The following BLTP2 variants were observed in gnomAD, a reference collection of about 807,000 sequenced individuals.
BLTP2 encodes bridge-like lipid transfer protein family member 2.
chr17:28,619,987 C>T, the BLTP2 span: 1 of 1,613,800 alleles, frequency 6.2e-7, no homozygotes, highest in Non-Finnish European at 8.5e-7. Context: ...AAGCTGGAAC[C>T]TGACCCGTTG....
At chr17:28,616,744 C>A in the BLTP2 span, 1 of 1,614,046 alleles carries the variant, frequency 6.2e-7, no homozygotes, top group East Asian at 2.2e-5. This position sits in a 1 kb window ranked among gnomAD's most constrained non-coding sequence, Gnocchi z 4.8. Context: ...GTGAGAGGCA[C>A]CACATTTACC....
At chr17:28,624,272 T>C in the BLTP2 span, 2 of 1,614,256 alleles carry the variant, frequency 1.2e-6, no homozygotes, top group Non-Finnish European at 8.5e-7. Flanking sequence ...TTCGGTTGTA[T>C]ATGTCATCCG....
At chr17:28,614,461 CT>C in the BLTP2 span, 60 of 420,372 alleles carry the variant, frequency 1.4e-4, no homozygotes, top group Non-Finnish European at 1.7e-4. Context: ...TTTAAAATAT[CT>C]TTTTTTTTCT....
the BLTP2 span, chr17:28,639,467 TAAG>T: frequency 1.2e-6 from 2 of 1,612,016 alleles, no homozygotes; most frequent in Non-Finnish European, 1.7e-6. Flanking sequence ...TCACCTGAAA[TAAG>T]AAGACCAGAA....
At chr17:28,634,814 A>G in the BLTP2 span, 12 of 1,613,486 alleles carry the variant, frequency 7.4e-6, no homozygotes, top group Non-Finnish European at 1.0e-5. Context: ...GCAGGCAACA[A>G]CTCCCCATGC....
the BLTP2 span, among the ~76,000 whole-genome samples, chr17:28,624,975 G>A: frequency 3.9e-5 from 6 of 152,266 alleles, no homozygotes; most frequent in South Asian, 1.2e-3. Flanking sequence ...GTGACCTTGG[G>A]CAGTCTGCCC....
the BLTP2 span, chr17:28,635,081 G>C: frequency 3.1e-6 from 5 of 1,613,262 alleles, no homozygotes; most frequent in African/African-American, 5.3e-5. Context: ...TCTAGAGTTC[G>C]AGAAAAGTCA....
chr17:28,640,657 T>C, the BLTP2 span: 1 of 1,614,018 alleles, frequency 6.2e-7, no homozygotes, highest in Non-Finnish European at 8.5e-7. Flanking sequence ...CCAGGCAGAG[T>C]TGGCTCAACT....
At chr17:28,642,718 G>GTTAGA in the BLTP2 span, 6 of 632,876 alleles carry the variant, frequency 9.5e-6, no homozygotes, top group Non-Finnish European at 1.7e-5. Flanking sequence ...TCAAGCTCTG[G>GTTAGA]TGGCTAGAAG....
chr17:28,644,598 G>A, the BLTP2 span, among the ~76,000 whole-genome samples: 1 of 152,198 alleles, frequency 6.6e-6, no homozygotes, highest in Non-Finnish European at 1.5e-5. Flanking sequence ...TTTGAGGTCA[G>A]ACCCGGCAGC....
chr17:28,619,872 A>G, the BLTP2 span: 12 of 1,613,840 alleles, frequency 7.4e-6, no homozygotes, highest in Non-Finnish European at 1.0e-5. Context: ...TCATGATAGA[A>G]TACATCTGCT....
chr17:28,635,717 G>A, the BLTP2 span: 3 of 1,186,024 alleles, frequency 2.5e-6, no homozygotes, highest in Non-Finnish European at 2.3e-6. Context: ...TCTCCACCCA[G>A]AAGTTGTTCC....
chr17:28,635,010 G>A, the BLTP2 span: 2 of 1,613,360 alleles, frequency 1.2e-6, no homozygotes, highest in Admixed American at 1.7e-5. Flanking sequence ...GGCTTGGAGA[G>A]GCCCAAGCAC....
the BLTP2 span, chr17:28,616,256 C>G: frequency 1.0e-5 from 16 of 1,597,666 alleles, no homozygotes; most frequent in Non-Finnish European, 1.4e-5. This position sits in a 1 kb window ranked among gnomAD's most constrained non-coding sequence, Gnocchi z 4.8. Flanking sequence ...CTCAGGACCC[C>G]AAACATCTCC....
At chr17:28,618,648 G>A in the BLTP2 span, 824 of 615,614 alleles carry the variant, frequency 1.3e-3, 3 homozygotes, top group Middle Eastern at 2.2e-3. Flanking sequence ...TATGATTAAT[G>A]AGCTCGTTAA....
At chr17:28,615,758 A>T in the BLTP2 span, 1 of 1,614,164 alleles carries the variant, frequency 6.2e-7, no homozygotes, top group Non-Finnish European at 8.5e-7. Flanking sequence ...ACAGGGCAGC[A>T]CCAGGTTAAG....
At chr17:28,633,779 T>A in the BLTP2 span, 2 of 1,608,064 alleles carry the variant, frequency 1.2e-6, no homozygotes, top group Non-Finnish European at 1.7e-6. Flanking sequence ...AGGCTATAAC[T>A]TGTTCACAAC....
At chr17:28,616,973 G>C in the BLTP2 span, 1 of 1,613,522 alleles carries the variant, frequency 6.2e-7, no homozygotes, top group African/African-American at 1.3e-5. This position sits in a 1 kb window ranked among gnomAD's most constrained non-coding sequence, Gnocchi z 4.8. Context: ...GCCCAGACTG[G>C]CAGGAGCTCT....
the BLTP2 span, chr17:28,617,133 C>T: frequency 8.2e-6 from 10 of 1,221,882 alleles, no homozygotes; most frequent in Admixed American, 1.7e-4. Flanking sequence ...TCTCAGATCA[C>T]CACATTGTTT....
Sources: allele counts gnomAD v4.1 joint callset (sites outside exome capture counted in the v4.1 genomes callset), GRCh38; gene constraint gnomAD v4.1.1; non-coding constraint Gnocchi (gnomAD v3.1); transcripts MANE v1.5; gene names NCBI Gene and HGNC (gene_info 2026-07-23, HGNC 2026-07-21).